Variants in PTPRN2 observed in about 807,000 individuals in gnomAD.
PTPRN2 encodes the protein receptor-type tyrosine-protein phosphatase N2.
Under a neutral mutation model 118.8 loss-of-function variants are expected in PTPRN2, and 74 were observed. The observed-to-expected ratio is 0.62, with a 90% confidence interval of 0.52 to 0.76. The LOEUF is 0.76. PTPRN2 is among the 30% of genes least tolerant of loss of function. PTPRN2 has a pLI of 0.00. For synonymous variants in PTPRN2, 641 were observed against 608.0 expected, an observed-to-expected ratio of 1.05 and a Z score of -0.80; for missense variants, 1,481 against 1,394.4, an observed-to-expected ratio of 1.06 and a Z score of -0.99.
chr7:158,098,550 CA>C (rs1228513403), intron 10 of PTPRN2, among the ~76,000 whole-genome samples: 7 of 152,190 alleles, frequency 4.6e-5, no homozygotes, highest in Non-Finnish European at 8.8e-5. Flanking sequence ...CCAGGAGGGC[CA>C]GGGGCAGGGA....
intron 1 of PTPRN2, among the ~76,000 whole-genome samples, chr7:158,571,804 A>T (rs1383615656): frequency 6.6e-6 from 1 of 152,188 alleles, no homozygotes; most frequent in African/African-American, 2.4e-5. Context: ...TCTTGGCAAA[A>T]ATTAGGAAAC....
At chr7:157,889,863 G>A (rs754839533) in intron 12 of PTPRN2, among the ~76,000 whole-genome samples, 10 of 152,176 alleles carry the variant, frequency 6.6e-5, no homozygotes, top group East Asian at 3.8e-4. Flanking sequence ...TACGAGCCTC[G>A]TCATTCTTCT....
At chr7:158,585,412 C>T (rs574573645) in intron 1 of PTPRN2, among the ~76,000 whole-genome samples, 3 of 152,274 alleles carry the variant, frequency 2.0e-5, no homozygotes, top group African/African-American at 4.8e-5. Flanking sequence ...CTGGAGTCCT[C>T]GAAACAATTT....
chr7:158,071,230 G>GTGGTGGAGGTGCTCA (rs1397581434), intron 11 of PTPRN2, among the ~76,000 whole-genome samples: 12 of 71,736 alleles, frequency 1.7e-4, no homozygotes, highest in South Asian at 6.5e-4. Flanking sequence ...GGTGCCCGTG[G>GTGGTGGAGGTGCTCA]TGGTGGAGGT....
At chr7:158,299,315 T>TG (rs1170989783) in intron 3 of PTPRN2, among the ~76,000 whole-genome samples, 1 of 151,382 alleles carries the variant, frequency 6.6e-6, no homozygotes, top group African/African-American at 2.4e-5. Flanking sequence ...TTTTTTTTTT[T>TG]GAGATGGAGT....
rs1485158449 is a variant in PTPRN2, at chr7:157,780,040, C to T, written c.1789-97103G>A. ...ATTTTACACACTTATTGATGAACTG[C>T]TATGAGTTTTTGATGATGGCTTGGC... is the stretch of plus-strand genomic sequence containing the variant. On this transcript the variant is annotated intron_variant, in intron 12 of 22. Transcript: ENST00000389418. The surrounding 1 kb of genome is among the most constrained non-coding windows in gnomAD (Gnocchi z 4.5). 6.6e-6 allele frequency among the ~76,000 whole-genome samples: 1 copy of T among 152,180 alleles called. No homozygotes were observed. Among genetic ancestry groups the T allele is most frequent in the Admixed American group, 6.5e-5 (1 of 15,276 alleles).
rs1355830820 is a variant in PTPRN2 at position 157,587,907 on chromosome 7, C to T, written c.2496+7331G>A. Among the ~76,000 whole-genome samples, 4 of 151,582 alleles carry T rather than the reference C, an allele frequency of 2.6e-5. No homozygotes were observed. Among genetic ancestry groups the T allele is most frequent in the Admixed American group, 1.3e-4 (2 of 15,230 alleles). Reference sequence around the variant, plus strand: ...CCTGGGTTCCCAAGGTGGCTGTCCCCGTGCCTGGGCTCCCGCGGTGGCTGT... The same window carrying T: ...CCTGGGTTCCCAAGGTGGCTGTCCCTGTGCCTGGGCTCCCGCGGTGGCTGT... On this transcript the variant is annotated intron_variant, in intron 17 of 22. Transcript: ENST00000389418. This position sits in a 1 kb window ranked among gnomAD's most constrained non-coding sequence, Gnocchi z 5.3.
intron 12 of PTPRN2, among the ~76,000 whole-genome samples, chr7:157,688,752 C>CGT: frequency 6.6e-6 from 1 of 152,224 alleles, no homozygotes; most frequent in Non-Finnish European, 1.5e-5. Context: ...TGTCAGAACC[C>CGT]CTCTGTGGCA....
At chr7:158,325,121 G>T (rs1803385150) in intron 2 of PTPRN2, among the ~76,000 whole-genome samples, 1 of 149,910 alleles carries the variant, frequency 6.7e-6, no homozygotes, top group African/African-American at 2.5e-5. Context: ...TCCACAGGGG[G>T]TCCTCCAGTC....
chr7:157,703,760 C>T (rs986946855), intron 12 of PTPRN2, among the ~76,000 whole-genome samples: 5 of 152,152 alleles, frequency 3.3e-5, no homozygotes, highest in African/African-American at 4.8e-5. Flanking sequence ...TGTCCTCTGC[C>T]GCTGCTCTGG....
chr7:157,975,807 G>A (rs1339798385), intron 11 of PTPRN2, among the ~76,000 whole-genome samples: 3 of 151,388 alleles, frequency 2.0e-5, no homozygotes, highest in Admixed American at 2.0e-4. Flanking sequence ...TACCTACTGT[G>A]TGCCCTGGGC....
chr7:158,307,452 G>C (rs565017935), intron 3 of PTPRN2, among the ~76,000 whole-genome samples: 1 of 152,198 alleles, frequency 6.6e-6, no homozygotes, highest in East Asian at 1.9e-4. Flanking sequence ...ACCATCCAAT[G>C]TACTGAGATA....
At chr7:158,123,120 G>A (rs1473085074) in intron 9 of PTPRN2, among the ~76,000 whole-genome samples, 1 of 152,188 alleles carries the variant, frequency 6.6e-6, no homozygotes, top group Admixed American at 6.5e-5. Flanking sequence ...CTTTTGATAA[G>A]ACAATACTCA....
At chr7:158,338,002 A>G (rs1267437144) in intron 2 of PTPRN2, among the ~76,000 whole-genome samples, 1 of 50,940 alleles carries the variant, frequency 2.0e-5, no homozygotes, top group Non-Finnish European at 4.0e-5. Context: ...CTCTCACCAT[A>G]ATTGGTGACA....
chr7:157,585,170 C>A lies in PTPRN2; in HGVS notation c.2497-7030G>T, dbSNP rs1283839811. ...GATGAGGGGGCAGCGGGAGGAACCCCCCTGTGCCGCTATCAGATCGACGCC... is the reference window on the plus strand; with the variant it reads ...GATGAGGGGGCAGCGGGAGGAACCCACCTGTGCCGCTATCAGATCGACGCC... On this transcript the variant is annotated intron_variant, in intron 17 of 22. Coordinates refer to ENST00000389418, the MANE Select transcript of PTPRN2 (RefSeq NM_002847.5). This position sits in a 1 kb window ranked among gnomAD's most constrained non-coding sequence, Gnocchi z 5.2. Among the ~76,000 whole-genome samples the A allele has an allele frequency of 6.6e-6, 1 of 152,188 alleles. No homozygotes were observed. Among genetic ancestry groups the A allele is most frequent in the African/African-American group, 2.4e-5 (1 of 41,456 alleles).
chr7:158,206,846 T>A (rs1168812918), intron 3 of PTPRN2, among the ~76,000 whole-genome samples: 3 of 151,402 alleles, frequency 2.0e-5, no homozygotes, highest in African/African-American at 7.3e-5. Context: ...TTAGGGTACA[T>A]GTGCACATTG....
chr7:158,541,364 T>C, intron 1 of PTPRN2: 1 of 1,219,582 alleles, frequency 8.2e-7, no homozygotes. Context: ...CAAACCTAAC[T>C]TGTTGTTTTC....
chr7:158,479,403 A>T (rs1051621443), intron 2 of PTPRN2, among the ~76,000 whole-genome samples: 1 of 152,100 alleles, frequency 6.6e-6, no homozygotes, highest in Non-Finnish European at 1.5e-5. Context: ...TGAAGTCTGG[A>T]GGAAGCAGAG....
At chr7:158,071,712 C>CCG (rs1811800585) in intron 11 of PTPRN2, among the ~76,000 whole-genome samples, 1 of 47,212 alleles carries the variant, frequency 2.1e-5, no homozygotes, top group Non-Finnish European at 3.8e-5. Flanking sequence ...GGAGGTGCTC[C>CCG]TGGTGGTGGA....
Sources: gnomAD v4.1 joint callset for allele counts (sites outside exome capture counted in the v4.1 genomes callset) on GRCh38, gnomAD v4.1.1 for gene constraint, Gnocchi (gnomAD v3.1) non-coding constraint, MANE v1.5 for transcripts, NCBI Gene and HGNC (gene_info 2026-07-23, HGNC 2026-07-21) for gene names.